Variants in KCNH1 observed in about 807,000 individuals in gnomAD.
KCNH1 encodes voltage-gated delayed rectifier potassium channel KCNH1.
A neutral mutation model predicts 69.2 loss-of-function variants in KCNH1; 27 were observed. The ratio of observed to expected loss-of-function variants is 0.39; its 90% confidence interval spans 0.29 to 0.54. The LOEUF (loss-of-function observed/expected upper bound fraction) is 0.54. Ranked by LOEUF, KCNH1 falls within the 20% of genes least tolerant of loss-of-function variation. The probability of loss-of-function intolerance (pLI) is 0.68; values close to 1 mark genes in which losing one functional copy is unlikely to be tolerated. For synonymous variants in KCNH1, 456 were observed against 487.7 expected, an observed-to-expected ratio of 0.93 and a Z score of 0.86; for missense variants, 798 against 1,261.6, an observed-to-expected ratio of 0.63 and a Z score of 5.57.
chr1:210,915,413 G>T (rs1373993715), intron 7 of KCNH1, among the ~76,000 whole-genome samples: 1 of 152,162 alleles, frequency 6.6e-6, no homozygotes, highest in Non-Finnish European at 1.5e-5. Flanking sequence ...GTCACACAGA[G>T]GGCTGGCATG....
In KCNH1 at chr1:210,980,171, C is replaced by T. The variant is rs566404070; in HGVS notation, c.1032+38612G>A. On this transcript the variant is annotated intron_variant, in intron 6 of 10. Coordinates refer to ENST00000271751, the MANE Select transcript of KCNH1 (RefSeq NM_172362.3). Reference sequence around the variant, plus strand: ...CTGTAGTCCAAGCTTTGTCTGAAACCATTGCTAAGTGAGTACAATATGAAA... The same window carrying T: ...CTGTAGTCCAAGCTTTGTCTGAAACTATTGCTAAGTGAGTACAATATGAAA... 3.0e-4 allele frequency among the ~76,000 whole-genome samples: 46 copies of T among 152,238 alleles called. 1 individual carries two copies. The South Asian group carries it at 9.1e-3, about 30-fold the overall frequency.
intron 3 of KCNH1, among the ~76,000 whole-genome samples, chr1:211,094,181 G>C (rs543185897): frequency 6.6e-6 from 1 of 152,310 alleles, no homozygotes; most frequent in South Asian, 2.1e-4. Context: ...CTCCACCTCA[G>C]ATCATCAGGC....
At position 210,999,093 on chromosome 1, in the gene KCNH1, A is replaced by T. The variant is rs567955955; in HGVS notation, c.1032+19690T>A. On this transcript the variant is annotated intron_variant, in intron 6 of 10. Transcript: ENST00000271751. ...TCTAAAATTGACACCCTGACATCAC[A>T]ATTAAAAGAACTAGAGAAGCAAGAG... 2.0e-5 allele frequency among the ~76,000 whole-genome samples: 3 copies of T among 152,330 alleles called. No homozygotes were observed. In the East Asian group the frequency reaches 5.8e-4, roughly 29 times the overall value.
intron 10 of KCNH1, among the ~76,000 whole-genome samples, chr1:210,688,242 A>T (rs532109848): frequency 6.6e-6 from 1 of 152,360 alleles, no homozygotes; most frequent in South Asian, 2.1e-4. Context: ...TGTGTAGGGT[A>T]TAGGATGCTC....
intron 5 of KCNH1, chr1:211,063,845 T>C (rs1690480454): frequency 6.6e-6 from 1 of 152,170 alleles, no homozygotes; most frequent in African/African-American, 2.4e-5. Flanking sequence ...ATAGAATTTT[T>C]TAACACAAAG....
intron 7 of KCNH1, chr1:210,862,047 A>C (rs1051114620): frequency 7.4e-5 from 58 of 788,276 alleles, no homozygotes; most frequent in South Asian, 7.3e-4. Flanking sequence ...GAATAGTATA[A>C]GGGGATATAT....
At chr1:210,914,791 GGGA>G (rs10612535) in intron 7 of KCNH1, among the ~76,000 whole-genome samples, 35,242 of 151,730 alleles carry the variant, frequency 0.23, 4,924 homozygotes, top group Non-Finnish European at 0.31. Context: ...GACCTAAAGT[GGGA>G]GGAGGACTGG....
chr1:211,039,485 T>G (rs934722994), intron 5 of KCNH1, among the ~76,000 whole-genome samples: 1 of 152,036 alleles, frequency 6.6e-6, no homozygotes, highest in African/African-American at 2.4e-5. Context: ...ATCCAACAGC[T>G]TCCACTGTGC....
At chr1:211,053,745 A>G (rs554851087) in intron 5 of KCNH1, among the ~76,000 whole-genome samples, 1 of 152,246 alleles carries the variant, frequency 6.6e-6, no homozygotes, top group East Asian at 1.9e-4. Flanking sequence ...CAACTTAACC[A>G]CCACAATCAG....
At position 210,831,597 on chromosome 1, in the gene KCNH1, G is replaced by A. The variant is rs1253618989; in HGVS notation, c.1463-27431C>T. The stretch of plus-strand genomic sequence containing the variant: ...ACTTGACATGGGGCACACTCATGAG[G>A]TCTAATAGCTGCAGAAATCATCTCC... On this transcript the variant is annotated intron_variant, in intron 7 of 10. Transcript: ENST00000271751. Among the ~76,000 whole-genome samples, 10 of 152,146 alleles carry A rather than the reference G, an allele frequency of 6.6e-5. No individual in the cohort carries two copies. The East Asian group carries it at 1.9e-3, about 29-fold the overall frequency.
At chr1:211,020,684 AC>A (rs1689572295) in intron 5 of KCNH1, among the ~76,000 whole-genome samples, 1 of 152,106 alleles carries the variant, frequency 6.6e-6, no homozygotes, top group African/African-American at 2.4e-5. Flanking sequence ...CAAAGGCAAA[AC>A]AAAAAAGAAA....
At chr1:210,927,831 G>A (rs1687602146) in intron 6 of KCNH1, among the ~76,000 whole-genome samples, 1 of 151,906 alleles carries the variant, frequency 6.6e-6, no homozygotes, top group Admixed American at 6.6e-5. Context: ...TAACACACAG[G>A]GCCTCACATA....
intron 6 of KCNH1, among the ~76,000 whole-genome samples, chr1:210,948,192 C>A (rs533774050): frequency 1.3e-5 from 2 of 149,648 alleles, no homozygotes; most frequent in South Asian, 2.1e-4. Flanking sequence ...CAGAGTAAGA[C>A]CCTGTCTCTT....
Position 210,683,076 on chromosome 1 carries a change from C to G in KCNH1, c.*205G>C, listed in dbSNP as rs1216765838. On this transcript the variant is annotated 3_prime_UTR_variant, in exon 11 of 11. Coordinates refer to ENST00000271751, the MANE Select transcript of KCNH1 (RefSeq NM_172362.3). This position sits in a 1 kb window ranked among gnomAD's most constrained non-coding sequence, Gnocchi z 5.7. ...TTGTGCAAAGACGGTTCAGATGCAGCTGCCACCTTGCAGGGTAGGGGCACG... is the reference window on the plus strand; with the variant it reads ...TTGTGCAAAGACGGTTCAGATGCAGGTGCCACCTTGCAGGGTAGGGGCACG... 1 of 626,796 alleles carries G rather than the reference C, an allele frequency of 1.6e-6. No individual in the cohort carries two copies. Among genetic ancestry groups the G allele is most frequent in the Admixed American group, 2.5e-5 (1 of 39,744 alleles). 38.8% of individuals were successfully genotyped at this position (626,796 alleles called of 1,614,324 possible). A position where few individuals can be genotyped will look rare whatever the true frequency, so the allele number is the denominator to read the frequency against.
intron 5 of KCNH1, among the ~76,000 whole-genome samples, chr1:211,047,865 A>G (rs1690120637): frequency 6.6e-6 from 1 of 152,216 alleles, no homozygotes; most frequent in Non-Finnish European, 1.5e-5. Context: ...CAAGGAAAAA[A>G]AAAATCCTAT....
At chr1:211,062,470 A>T (rs756393260) in intron 5 of KCNH1, among the ~76,000 whole-genome samples, 1 of 152,174 alleles carries the variant, frequency 6.6e-6, no homozygotes, top group Non-Finnish European at 1.5e-5. Flanking sequence ...AAATAGCATC[A>T]TATCAAGTTA....
rs1491003469 is a variant in KCNH1, at chr1:210,683,706, C to G, written c.2545G>C (p.Asp849His). ...TCAGCCTTGGACACCTTGTTCCAGT[C>G]CTCACTCTTCCCGCAAGCATCTTTG... ...RFKDACGKSEDWNKVSKAESM... is the reference protein window; with the variant it reads ...RFKDACGKSEHWNKVSKAESM... The change falls in exon 11 of 11, where the codon GAC (aspartate) becomes CAC (histidine). Residue 849 changes from aspartate to histidine, a missense_variant. Physicochemically the swap from Asp to His is moderately conservative, Grantham distance 81. This residue lies in a region of KCNH1 where 331 missense variants were observed against 363.2 expected (regional missense o/e 0.91). Transcript: ENST00000271751. This position sits in a 1 kb window ranked among gnomAD's most constrained non-coding sequence, Gnocchi z 5.7. The G allele has an allele frequency of 5.6e-6, 9 of 1,614,106 alleles. No homozygotes were observed. The Admixed American group carries it at 1.5e-4, about 27-fold the overall frequency.
intron 1 of KCNH1, among the ~76,000 whole-genome samples, chr1:211,125,881 T>C (rs961780037): frequency 6.6e-6 from 1 of 152,150 alleles, no homozygotes; most frequent in Non-Finnish European, 1.5e-5. Flanking sequence ...ATCAAAAGAG[T>C]TGTCATTTTA....
rs769735609 is a variant in KCNH1, at chr1:211,082,790, C to T, written c.548G>A (p.Arg183His). ...QKGENVHKHS[R>H]LAEVLQLGSD... Reference sequence around the variant, plus strand: ...ACCCTTTGCCCTTACCTCTGCCAGGCGGGAGTGCTTGTGGACATTCTCGCC... The same window carrying T: ...ACCCTTTGCCCTTACCTCTGCCAGGTGGGAGTGCTTGTGGACATTCTCGCC... The change falls in exon 5 of 11, where the codon CGC becomes CAC. Residue 183 changes from arginine to histidine, a missense_variant. Transcript: ENST00000271751. 7 of 1,613,362 alleles carry T rather than the reference C, an allele frequency of 4.3e-6. No individual in the cohort carries two copies. The highest frequency in any genetic ancestry group is 4.5e-5 in the East Asian group (2 of 44,868).
Sources: gnomAD v4.1 joint callset for allele counts (sites outside exome capture counted in the v4.1 genomes callset) on GRCh38, gnomAD v4.1.1 for gene constraint, gnomAD v4.1.1 regional missense constraint, Gnocchi (gnomAD v3.1) non-coding constraint, MANE v1.5 for transcripts, NCBI Gene and HGNC (gene_info 2026-07-23, HGNC 2026-07-21) for gene names.